The following DNMT3B variants were observed in gnomAD, a reference collection of about 807,000 sequenced individuals.
DNMT3B encodes the protein DNA (cytosine-5)-methyltransferase 3B.
A neutral mutation model predicts 120.2 loss-of-function variants in DNMT3B; 37 were observed. That is an observed-to-expected ratio of 0.31 (90% CI 0.24 to 0.40). DNMT3B has a LOEUF of 0.40. Ranked by LOEUF, DNMT3B falls within the 10% of genes least tolerant of loss-of-function variation. The pLI is 1.00. For synonymous variants in DNMT3B, 412 were observed against 442.8 expected, an observed-to-expected ratio of 0.93 and a Z score of 0.87; for missense variants, 878 against 1,137.3, an observed-to-expected ratio of 0.77 and a Z score of 3.28.
At position 32,792,619 on chromosome 20, in the gene DNMT3B, TTTGC is replaced by T; in HGVS notation, c.922-6_922-3del. 1 of 1,614,116 alleles carries T rather than the reference TTTGC, an allele frequency of 6.2e-7. No homozygotes were observed. Among genetic ancestry groups the T allele is most frequent in the Non-Finnish European group, 8.5e-7 (1 of 1,179,982 alleles). On this transcript the variant is annotated splice_region_variant and splice_polypyrimidine_tract_variant and intron_variant, in intron 8 of 22. Transcript: ENST00000328111. ...CCCCCCATTCATCACAGACTCTGCC[TTTGC>T]AGAAAGCTAGGGTGCGAGCTGGCAA...
intron 1 of DNMT3B, among the ~76,000 whole-genome samples, chr20:32,770,864 A>G (rs1219713330): frequency 6.6e-6 from 1 of 151,488 alleles, no homozygotes; most frequent in Non-Finnish European, 1.5e-5. Context: ...TGCCTGCCTC[A>G]GCCTCCCAAA....
At chr20:32,764,911 G>C (rs1987210001) in intron 1 of DNMT3B, among the ~76,000 whole-genome samples, 1 of 152,176 alleles carries the variant, frequency 6.6e-6, no homozygotes, top group Admixed American at 6.5e-5. Context: ...CAGCCACGTG[G>C]GGCCTGTGAT....
At chr20:32,783,870 C>G (rs536142292) in intron 3 of DNMT3B, among the ~76,000 whole-genome samples, 1 of 151,612 alleles carries the variant, frequency 6.6e-6, no homozygotes, top group Non-Finnish European at 1.5e-5. Flanking sequence ...GGCTTACAGG[C>G]GTGCACCACC....
At chr20:32,771,497 C>T (rs1452363489) in intron 1 of DNMT3B, among the ~76,000 whole-genome samples, 3 of 151,918 alleles carry the variant, frequency 2.0e-5, no homozygotes, top group African/African-American at 4.8e-5. Context: ...AAAAATTAGC[C>T]GGGCGTGGTG....
At chr20:32,784,990 T>C in intron 4 of DNMT3B, 131 bp downstream of exon 4, 1 of 896,444 alleles carries the variant, frequency 1.1e-6, no homozygotes, top group South Asian at 1.4e-5. Flanking sequence ...GTTTTGAAAC[T>C]AGAAAATATA....
chr20:32,792,822 T>G, intron 9 of DNMT3B, 52 bp downstream of exon 9: 1 of 1,611,864 alleles, frequency 6.2e-7, no homozygotes, highest in Non-Finnish European at 8.5e-7. Context: ...GTGGGACCAC[T>G]TCTTGGGAGA....
intron 21 of DNMT3B, 131 bp downstream of exon 21, chr20:32,805,538 TCC>T: frequency 1.0e-6 from 1 of 968,978 alleles, no homozygotes. Context: ...GGCTTCCCTC[TCC>T]CACATGATTG....
At chr20:32,801,071 G>C (rs953921655) in intron 18 of DNMT3B, 146 bp downstream of exon 18, 38 of 1,243,104 alleles carry the variant, frequency 3.1e-5, no homozygotes, top group Non-Finnish European at 3.7e-5. Flanking sequence ...ACGCTCCATA[G>C]TAAATCCTCA....
At chr20:32,765,825 C>T (rs546328916) in intron 1 of DNMT3B, among the ~76,000 whole-genome samples, 151 of 144,796 alleles carry the variant, frequency 1.0e-3, no homozygotes, top group Admixed American at 1.7e-3. Flanking sequence ...GCGCGATCTC[C>T]GCTCACTGCA....
intron 4 of DNMT3B, among the ~76,000 whole-genome samples, chr20:32,785,422 T>C (rs1003909782): frequency 6.6e-6 from 1 of 152,124 alleles, no homozygotes; most frequent in African/African-American, 2.4e-5. Flanking sequence ...CTAGGGGTGA[T>C]AGAGTTTGCA....
Position 32,792,671 on chromosome 20 carries a change from G to C in DNMT3B, c.967G>C (p.Asp323His). ...AGKTFPSSPGDSLEDQLKPML... is the reference protein window; with the variant it reads ...AGKTFPSSPGHSLEDQLKPML... Reference sequence around the variant, plus strand: ...CAAGACCTTCCCCAGCAGCCCTGGAGACTCATTGGAGGACCAGCTGAAGCC... The same window carrying C: ...CAAGACCTTCCCCAGCAGCCCTGGACACTCATTGGAGGACCAGCTGAAGCC... Residue 323 changes from aspartate (D) to histidine (H), a missense_variant, in exon 9 of 23, where the codon GAC (aspartate) becomes CAC (histidine). Around this residue, in one of 4 missense-constraint regions of DNMT3B, gnomAD observed 207 missense variants for 222.6 expected, o/e 0.93. Transcript: ENST00000328111. The C allele has an allele frequency of 6.2e-7, 1 of 1,614,274 alleles. No individual in the cohort carries two copies. The highest frequency in any genetic ancestry group is 1.3e-5 in the African/African-American group (1 of 75,074).
intron 17 of DNMT3B, 24 bp from the exon 18 acceptor site, chr20:32,800,811 C>A: frequency 6.2e-7 from 1 of 1,612,826 alleles, no homozygotes; most frequent in Non-Finnish European, 8.5e-7. Context: ...ACACCCTCAT[C>A]CTGACTCTGT....
intron 4 of DNMT3B, among the ~76,000 whole-genome samples, chr20:32,785,410 G>A (rs570533965): frequency 2.0e-5 from 3 of 152,254 alleles, no homozygotes; most frequent in African/African-American, 7.2e-5. Context: ...TCTTGGAGGT[G>A]CCTAGGGGTG....
chr20:32,769,797 G>A lies in DNMT3B; in HGVS notation c.-7+7098G>A, dbSNP rs1363307677. Among the ~76,000 whole-genome samples the A allele has an allele frequency of 2.0e-5, 3 of 152,122 alleles. No homozygotes were observed. The East Asian group carries it at 5.8e-4, about 29-fold the overall frequency. ...GCATCTCACTCTGTTGCCCAGGCTG[G>A]AGTGCAGTGGCACGATTTGGCACAT... On this transcript the variant is annotated intron_variant, in intron 1 of 22. Transcript: ENST00000328111.
At chr20:32,786,750 G>A in intron 5 of DNMT3B, 123 bp downstream of exon 5, 2 of 1,522,198 alleles carry the variant, frequency 1.3e-6, no homozygotes, top group Non-Finnish European at 1.8e-6. Flanking sequence ...TGCTTTTCAG[G>A]TTCTTGCTTT....
chr20:32,805,413 A>T lies in DNMT3B; in HGVS notation c.2301+6A>T. On this transcript the variant is annotated splice_donor_region_variant and intron_variant, in intron 21 of 22. Coordinates refer to ENST00000328111, the MANE Select transcript of DNMT3B (RefSeq NM_006892.4). ...AATACAATAGGATAGCCAAGGTAAG[A>T]CGAGCTGTGGCCCTCTGGAAAAATG... 6.2e-7 allele frequency: 1 copy of T among 1,614,030 alleles called. No individual in the cohort carries two copies. The highest frequency in any genetic ancestry group is 8.5e-7 in the Non-Finnish European group (1 of 1,179,982).
intron 3 of DNMT3B, among the ~76,000 whole-genome samples, chr20:32,783,397 C>T (rs1978863310): frequency 6.6e-6 from 1 of 152,140 alleles, no homozygotes; most frequent in South Asian, 2.1e-4. Flanking sequence ...ATTTACTTTT[C>T]CAAGGTTGGA....
At chr20:32,793,115 A>G (rs1980185366) in intron 9 of DNMT3B, among the ~76,000 whole-genome samples, 2 of 112,534 alleles carry the variant, frequency 1.8e-5, no homozygotes, top group African/African-American at 6.8e-5. Context: ...AGAATATGCC[A>G]CCTGCTAACA....
intron 22 of DNMT3B, 32 bp downstream of exon 22, chr20:32,806,359 G>T: frequency 1.9e-6 from 3 of 1,601,948 alleles, no homozygotes; most frequent in Non-Finnish European, 2.6e-6. Flanking sequence ...GAGGGAAACT[G>T]TGTAGATCAA....
Sources: gnomAD v4.1 joint callset for allele counts (sites outside exome capture counted in the v4.1 genomes callset) on GRCh38, gnomAD v4.1.1 for gene constraint, gnomAD v4.1.1 regional missense constraint, MANE v1.5 for transcripts, NCBI Gene and HGNC (gene_info 2026-07-23, HGNC 2026-07-21) for gene names.